The following ERAP1 variants were observed in gnomAD, a reference collection of about 807,000 sequenced individuals.
ERAP1 encodes adipocyte-derived leucine aminopeptidase.
ERAP1 carries 86 observed loss-of-function variants against 103.7 expected under a neutral mutation model. That is an observed-to-expected ratio of 0.83 (90% CI 0.70 to 0.99). The LOEUF is 0.99. ERAP1 is among the 50% of genes least tolerant of loss of function. The probability of loss-of-function intolerance (pLI) is 0.00; values close to 1 mark genes in which losing one functional copy is unlikely to be tolerated. For synonymous variants in ERAP1, 398 were observed against 402.4 expected (o/e 0.99, Z 0.13); for missense variants, 1,009 against 1,128.4 (o/e 0.89, Z 1.52).
At chr5:96,785,019 G>A (rs2150924382) in intron 13 of ERAP1, 1 of 152,404 alleles carries the variant, frequency 6.6e-6, no homozygotes, top group East Asian at 1.9e-4. Context: ...GCCCAGTATG[G>A]TGGTGAGAAG....
At chr5:96,884,169 AT>A in the ERAP1 span, among the ~76,000 whole-genome samples, 80 of 151,798 alleles carry the variant, frequency 5.3e-4, no homozygotes, top group South Asian at 0.016. Context: ...AAGCAAAGTG[AT>A]TTATATTTTG....
the ERAP1 span, among the ~76,000 whole-genome samples, chr5:96,828,933 G>C: frequency 6.6e-6 from 1 of 151,902 alleles, no homozygotes; most frequent in Non-Finnish European, 1.5e-5. Flanking sequence ...TGCAACCTCT[G>C]ACTCCCTTGT....
At chr5:96,804,741 A>AT (rs1261802846) in intron 1 of ERAP1, 1 of 152,530 alleles carries the variant, frequency 6.6e-6, no homozygotes, top group Non-Finnish European at 1.5e-5. Context: ...AGGTCAACAG[A>AT]TTGAGACCAT....
chr5:96,819,525 GA>G, the ERAP1 span, among the ~76,000 whole-genome samples: 1 of 152,212 alleles, frequency 6.6e-6, no homozygotes, highest in Non-Finnish European at 1.5e-5. Context: ...GTGTGTGTGA[GA>G]GAGAGAGAGA....
the ERAP1 span, among the ~76,000 whole-genome samples, chr5:96,920,417 C>A: frequency 6.6e-6 from 1 of 152,084 alleles, no homozygotes. Context: ...ATTTGAGGTT[C>A]TAGATGAGCA....
chr5:96,873,476 G>A, the ERAP1 span: 1 of 454,528 alleles, frequency 2.2e-6, no homozygotes, highest in African/African-American at 2.0e-5. Context: ...AAGGAAGCAT[G>A]TGTTACTTCC....
Position 96,776,279 on chromosome 5 carries a change from A to G in ERAP1, c.*117T>C. 6.5e-7 allele frequency: 1 copy of G among 1,532,372 alleles called. No homozygotes were observed. The highest frequency in any genetic ancestry group is 1.4e-5 in the African/African-American group (1 of 72,196). The allele number at this position is 1,532,372 out of a possible 1,614,324, so 94.9% of individuals were successfully genotyped here. A position where few individuals can be genotyped will look rare whatever the true frequency, so the allele number is the denominator to read the frequency against. On this transcript the variant is annotated 3_prime_UTR_variant, in exon 19 of 19. Transcript: ENST00000443439. Reference sequence around the variant, plus strand: ...TTTTCACAGGGATAGTCAAAAAATGAGTTGAAGGGAAAAAAGTATCTCCAG... The same window carrying G: ...TTTTCACAGGGATAGTCAAAAAATGGGTTGAAGGGAAAAAAGTATCTCCAG...
At chr5:96,782,940 C>T in intron 15 of ERAP1, 111 bp downstream of exon 15, 2 of 1,030,352 alleles carry the variant, frequency 1.9e-6, no homozygotes, top group Non-Finnish European at 1.5e-6. Context: ...CAGAAAAGGG[C>T]AGCAGGGGAG....
chr5:96,766,152 T>G, intron 19 of ERAP1: 1 of 1,494,442 alleles, frequency 6.7e-7, no homozygotes, highest in Non-Finnish European at 9.3e-7. Context: ...ACAGGTAAAC[T>G]GAGGCAAATT....
At chr5:96,844,159 C>T in the ERAP1 span, among the ~76,000 whole-genome samples, 1 of 152,098 alleles carries the variant, frequency 6.6e-6, no homozygotes, top group African/African-American at 2.4e-5. Context: ...GTGAGGGGGC[C>T]TCAGTTCATT....
chr5:96,794,487 G>A lies in ERAP1; in HGVS notation c.920-530C>T, dbSNP rs960243325. Among the ~76,000 whole-genome samples, 5 of 152,206 alleles carry A rather than the reference G, an allele frequency of 3.3e-5. No homozygotes were observed. The East Asian group carries it at 5.8e-4, about 18-fold the overall frequency. ...TTACAAGACATGAGCCACCGTGCCC[G>A]CCTTTTCAGGCCTCTTGACTCCATT... On this transcript the variant is annotated intron_variant, in intron 5 of 18. Transcript: ENST00000443439.
chr5:96,912,581 GAA>G, the ERAP1 span: 1 of 1,446,898 alleles, frequency 6.9e-7, no homozygotes, highest in Non-Finnish European at 9.4e-7. Flanking sequence ...ATTGTCATAA[GAA>G]AAAAGTTTTT....
the ERAP1 span, among the ~76,000 whole-genome samples, chr5:96,929,008 A>G: frequency 5.3e-5 from 8 of 152,150 alleles, no homozygotes; most frequent in African/African-American, 1.9e-4. Context: ...CATGTGTACA[A>G]CTTCAGTAAG....
At chr5:96,841,757 T>C in the ERAP1 span, among the ~76,000 whole-genome samples, 1 of 150,160 alleles carries the variant, frequency 6.7e-6, no homozygotes, top group Non-Finnish European at 1.5e-5. Flanking sequence ...CTTTTTTTTT[T>C]TTTTTTTTTG....
the ERAP1 span, among the ~76,000 whole-genome samples, chr5:96,887,106 C>G: frequency 2.9e-5 from 1 of 34,780 alleles, no homozygotes; most frequent in East Asian, 9.4e-4. Context: ...TATATACACA[C>G]ACACACACAC....
At chr5:96,909,864 GA>G in the ERAP1 span, 54 of 1,186,700 alleles carry the variant, frequency 4.6e-5, no homozygotes, top group South Asian at 1.8e-4. Flanking sequence ...AGTGAGGATA[GA>G]AAAAAAAACA....
At chr5:96,804,283 A>G in intron 1 of ERAP1, 1 of 357,970 alleles carries the variant, frequency 2.8e-6, no homozygotes, top group South Asian at 2.3e-5. Flanking sequence ...TGAGTGGCTC[A>G]CTACACGGGT....
chr5:96,780,477 G>A lies in ERAP1; in HGVS notation c.2616C>T (p.Ala872=). 6.2e-7 allele frequency: 1 copy of A among 1,613,374 alleles called. No homozygotes were observed. Residue 872 remains alanine, a synonymous_variant, in exon 18 of 19, where the codon GCC becomes GCT. Transcript: ENST00000443439. ...GATTTGTTGTACCCATTACCATGTG[G>A]GCTATGGAAGATGAGCCAAGTTCAA... ...QKFELGSSSI[A]HMVMGTTNQF...
At chr5:96,925,598 T>C in the ERAP1 span, among the ~76,000 whole-genome samples, 4 of 152,238 alleles carry the variant, frequency 2.6e-5, no homozygotes, top group East Asian at 7.7e-4. Context: ...ACCAACTGAA[T>C]TGAAATTTCG....
Sources: allele counts gnomAD v4.1 joint callset (sites outside exome capture counted in the v4.1 genomes callset), GRCh38; gene constraint gnomAD v4.1.1; transcripts MANE v1.5; gene names NCBI Gene and HGNC (gene_info 2026-07-23, HGNC 2026-07-21).